The following ZNF385D variants were observed in gnomAD, a reference collection of about 807,000 sequenced individuals.
The protein encoded by ZNF385D is zinc finger protein 385D.
In ZNF385D, 15 loss-of-function variants were observed where a neutral mutation model predicts 35.8. The ratio of observed to expected loss-of-function variants is 0.42; its 90% CI spans 0.28 to 0.64. The LOEUF (loss-of-function observed/expected upper bound fraction) is 0.64. Among genes scored for constraint, ZNF385D ranks in the 30% least tolerant of loss-of-function variants. The pLI is 0.23. For missense variants in ZNF385D, 474 were observed against 494.6 expected (o/e 0.96, Z 0.39); for synonymous variants, 212 against 186.8 (o/e 1.13, Z -1.10).
intron 1 of ZNF385D, among the ~76,000 whole-genome samples, chr3:21,710,820 A>G (rs1258952683): frequency 1.3e-5 from 2 of 152,154 alleles, no homozygotes; most frequent in Admixed American, 6.5e-5. Flanking sequence ...GGAATGCATT[A>G]CTACATGAGC....
intron 3 of ZNF385D, among the ~76,000 whole-genome samples, chr3:21,920,935 G>A (rs1164766499): frequency 1.3e-5 from 2 of 151,984 alleles, no homozygotes; most frequent in African/African-American, 4.8e-5. Context: ...CAAACACTGG[G>A]TAAGGCGCAG....
At chr3:21,914,289 C>T (rs1263954493) in intron 3 of ZNF385D, among the ~76,000 whole-genome samples, 3 of 151,694 alleles carry the variant, frequency 2.0e-5, no homozygotes, top group Non-Finnish European at 2.9e-5. Context: ...AGCTAAATCA[C>T]ATTGACTTCA....
At chr3:21,832,572 G>T (rs573920520) in intron 3 of ZNF385D, among the ~76,000 whole-genome samples, 1 of 152,198 alleles carries the variant, frequency 6.6e-6, no homozygotes, top group South Asian at 2.1e-4. Flanking sequence ...TTAAGGTCAC[G>T]GCTGCTCCAG....
chr3:22,099,793 G>A (rs1221475997), intron 3 of ZNF385D, among the ~76,000 whole-genome samples: 1 of 151,970 alleles, frequency 6.6e-6, no homozygotes, highest in African/African-American at 2.4e-5. Flanking sequence ...AAGGTCAGAA[G>A]CCAAGCATTC....
chr3:21,951,458 G>C (rs1260273532), intron 3 of ZNF385D, among the ~76,000 whole-genome samples: 1 of 151,554 alleles, frequency 6.6e-6, no homozygotes, highest in South Asian at 2.1e-4. Context: ...TGAGACGATC[G>C]GGTATTCTAA....
intron 2 of ZNF385D, among the ~76,000 whole-genome samples, chr3:21,607,838 T>C (rs9822177): frequency 0.6 from 91,007 of 151,708 alleles, 28,474 homozygotes; most frequent in African/African-American, 0.77. Context: ...GAGTAAGCCA[T>C]GTCCCTGATA....
intron 1 of ZNF385D, among the ~76,000 whole-genome samples, chr3:21,712,621 T>C (rs767243238): frequency 6.0e-4 from 91 of 152,224 alleles, no homozygotes; most frequent in Admixed American, 2.2e-3. Flanking sequence ...TCTATATATA[T>C]TGATTTCTAA....
At chr3:22,065,914 A>C (rs1036005735) in intron 3 of ZNF385D, among the ~76,000 whole-genome samples, 1 of 152,202 alleles carries the variant, frequency 6.6e-6, no homozygotes, top group African/African-American at 2.4e-5. Flanking sequence ...TCACAGCCCA[A>C]CTAAAATTGG....
intron 1 of ZNF385D, among the ~76,000 whole-genome samples, chr3:21,749,964 T>C (rs2069980023): frequency 6.6e-6 from 1 of 152,088 alleles, no homozygotes; most frequent in Non-Finnish European, 1.5e-5. Context: ...CTTGGATACA[T>C]TTCCTAGCCC....
intron 3 of ZNF385D, among the ~76,000 whole-genome samples, chr3:22,147,632 T>C (rs1369059167): frequency 6.6e-6 from 1 of 152,122 alleles, no homozygotes; most frequent in Non-Finnish European, 1.5e-5. Context: ...TATGTATTAA[T>C]ACAACACCAC....
chr3:22,206,769 G>A (rs886575933), intron 2 of ZNF385D, among the ~76,000 whole-genome samples: 5 of 151,814 alleles, frequency 3.3e-5, no homozygotes, highest in African/African-American at 1.2e-4. Context: ...ATGGGATACA[G>A]TAAAAGCAAC....
chr3:21,468,016 T>A (rs1039136510), intron 4 of ZNF385D, among the ~76,000 whole-genome samples: 1 of 152,086 alleles, frequency 6.6e-6, no homozygotes, highest in Non-Finnish European at 1.5e-5. Flanking sequence ...AAAAAAAGAT[T>A]GGCAGTGTTT....
At chr3:22,237,035 G>C (rs1271756205) in intron 2 of ZNF385D, among the ~76,000 whole-genome samples, 3 of 151,952 alleles carry the variant, frequency 2.0e-5, no homozygotes, top group Admixed American at 6.6e-5. Context: ...AGTTGTCTTA[G>C]GTACACACCT....
intron 2 of ZNF385D, among the ~76,000 whole-genome samples, chr3:22,246,536 T>TA (rs1559476590): frequency 6.6e-6 from 1 of 152,146 alleles, no homozygotes; most frequent in Non-Finnish European, 1.5e-5. Context: ...ATATTTTCTC[T>TA]TGCTTCAAAG....
intron 4 of ZNF385D, among the ~76,000 whole-genome samples, chr3:21,483,950 C>T (rs1015692198): frequency 6.6e-6 from 1 of 152,018 alleles, no homozygotes; most frequent in South Asian, 2.1e-4. Flanking sequence ...ATGCTATTGG[C>T]ATCATTCTTT....
At chr3:22,225,951 G>A (rs1172029500) in intron 2 of ZNF385D, among the ~76,000 whole-genome samples, 1 of 152,156 alleles carries the variant, frequency 6.6e-6, no homozygotes, top group African/African-American at 2.4e-5. Flanking sequence ...AAAGAGCACA[G>A]GAAGGTTCTG....
intron 3 of ZNF385D, among the ~76,000 whole-genome samples, chr3:21,775,018 A>C (rs561192680): frequency 9.2e-5 from 14 of 151,822 alleles, no homozygotes; most frequent in Admixed American, 2.0e-4. Flanking sequence ...TCCCACCAAC[A>C]CATCAATTTC....
At chr3:22,237,175 T>G (rs998209365) in intron 2 of ZNF385D, among the ~76,000 whole-genome samples, 1 of 133,028 alleles carries the variant, frequency 7.5e-6, no homozygotes, top group African/African-American at 2.9e-5. Context: ...TCCACGTCTT[T>G]GCCAGCAATA....
intron 2 of ZNF385D, among the ~76,000 whole-genome samples, chr3:21,571,465 A>G (rs2063332452): frequency 6.6e-6 from 1 of 152,214 alleles, no homozygotes; most frequent in Non-Finnish European, 1.5e-5. Context: ...ATACATAACT[A>G]GGAATTAAAT....
Sources: gnomAD v4.1 joint callset for allele counts (sites outside exome capture counted in the v4.1 genomes callset) on GRCh38, gnomAD v4.1.1 for gene constraint, MANE v1.5 for transcripts, NCBI Gene and HGNC (gene_info 2026-07-23, HGNC 2026-07-21) for gene names.